LRRTM1: variants seen among roughly 807,000 people sequenced by gnomAD.
The protein encoded by LRRTM1 is leucine-rich repeat transmembrane neuronal protein 1.
A neutral mutation model predicts 37.3 loss-of-function variants in LRRTM1; 8 were observed. That is an observed-to-expected ratio of 0.21 (90% CI 0.13 to 0.39). The LOEUF is 0.39. Among genes scored for constraint, LRRTM1 ranks in the 10% least tolerant of loss-of-function variants. LRRTM1 has a pLI of 1.00. For missense variants in LRRTM1, 557 were observed against 691.0 expected (o/e 0.81, Z 2.17); for synonymous variants, 326 against 316.8 (o/e 1.03, Z -0.31).
At chr2:80,299,744 A>C (rs1676072805), downstream of LRRTM1, 1 of 152,174 alleles carries the variant, frequency 6.6e-6, no homozygotes, top group South Asian at 2.1e-4. Context: ...GAGATAAACT[A>C]CAGTTTCCAA....
chr2:80,301,661 TC>T (rs1676321252), downstream of LRRTM1, among the ~76,000 whole-genome samples: 1 of 152,196 alleles, frequency 6.6e-6, no homozygotes, highest in Non-Finnish European at 1.5e-5. Context: ...TTTTTCTTTT[TC>T]TAGTCCTTAC....
chr2:80,300,279 GGGGTGTGTGT>G (rs1379787809), downstream of LRRTM1, among the ~76,000 whole-genome samples: 2,711 of 128,060 alleles, frequency 0.021, 74 homozygotes, highest in Middle Eastern at 0.046. Context: ...CTGGGGTGTT[GGGGTGTGTGT>G]GTGTGTGTGT....
chr2:80,303,266 C>A lies in LRRTM1; in HGVS notation c.554G>T (p.Arg185Leu). 6.2e-7 allele frequency: 1 copy of A among 1,613,434 alleles called. No homozygotes were observed. ...FVPVRIFQDCRSLKFLDIGYN... is the reference protein window; with the variant it reads ...FVPVRIFQDCLSLKFLDIGYN... ...TCCGATGTCGAGAAACTTGAGGCTG[C>A]GGCAGTCCTGGAAGATGCGCACGGG... Residue 185 changes from arginine to leucine, a missense_variant, in exon 2 of 2, where the codon CGC (arginine) becomes CTC (leucine). Around this residue, in one of 5 missense-constraint regions of LRRTM1, gnomAD observed 200 missense variants for 249.9 expected, o/e 0.80. Transcript: ENST00000295057. The surrounding 1 kb of genome is among the most constrained non-coding windows in gnomAD (Gnocchi z 7.7).
chr2:80,290,471 T>C lies in LRRTM1; in HGVS notation c.*307-1276A>G, dbSNP rs1286393915. Among the ~76,000 whole-genome samples the C allele has an allele frequency of 2.6e-5, 4 of 152,142 alleles. No individual in the cohort carries two copies. In the East Asian group the frequency reaches 7.8e-4, roughly 30 times the overall value. Reference sequence around the variant, plus strand: ...TGAAACCTCACCATGGTGAGGTTGGTGAGGCTCCCGTGATGCTTTTACTTT... The same window carrying C: ...TGAAACCTCACCATGGTGAGGTTGGCGAGGCTCCCGTGATGCTTTTACTTT... On this transcript the variant is annotated intron_variant and NMD_transcript_variant, in intron 2 of 2. Coordinates refer to the LRRTM1 transcript ENST00000417012.
At chr2:80,296,479 C>A (rs1675753740) in intron 2 of LRRTM1, among the ~76,000 whole-genome samples, 2 of 152,026 alleles carry the variant, frequency 1.3e-5, no homozygotes, top group African/African-American at 4.8e-5. Flanking sequence ...GCCATATGTT[C>A]TTTGAGAAGC....
Position 80,303,087 on chromosome 2 carries a change from C to T in LRRTM1, c.733G>A (p.Val245Met). ...TCCAGCGAGCTGACCACAATGGCCA[C>T]CTTGTTCCTCCGCAGGCAGAGCGAG... ...LHSLCLRRNK[V>M]AIVVSSLDWV... Residue 245 changes from valine to methionine, a missense_variant, in exon 2 of 2, where the codon GTG (valine) becomes ATG (methionine). Transcript: ENST00000295057. The surrounding 1 kb of genome is among the most constrained non-coding windows in gnomAD (Gnocchi z 7.7). 1 of 1,614,024 alleles carries T rather than the reference C, an allele frequency of 6.2e-7. No individual in the cohort carries two copies. Among genetic ancestry groups the T allele is most frequent in the South Asian group, 1.1e-5 (1 of 91,072 alleles).
chr2:80,303,141 C>A lies in LRRTM1; in HGVS notation c.679G>T (p.Ala227Ser). ...EHNDLVKVNF[A>S]HFPRLISLHS... is the part of the protein sequence containing the mutation. ...AGGGAGATGAGGCGCGGGAAGTGGG[C>A]GAAGTTCACCTTGACCAAGTCGTTG... is the stretch of plus-strand genomic sequence containing the variant. The change falls in exon 2 of 2, where the codon GCC becomes TCC. Residue 227 changes from alanine to serine, a missense_variant. By Grantham distance (99) the Ala-to-Ser change is moderately conservative. Transcript: ENST00000295057. This position sits in a 1 kb window ranked among gnomAD's most constrained non-coding sequence, Gnocchi z 7.7. 1 of 1,614,042 alleles carries A rather than the reference C, an allele frequency of 6.2e-7. No individual in the cohort carries two copies. Among genetic ancestry groups the A allele is most frequent in the Non-Finnish European group, 8.5e-7 (1 of 1,180,026 alleles).
Position 80,302,387 on chromosome 2 carries a change from T to C in LRRTM1, c.1433A>G (p.His478Arg). The C allele has an allele frequency of 6.2e-7, 1 of 1,614,228 alleles. No individual in the cohort carries two copies. Among genetic ancestry groups the C allele is most frequent in the Non-Finnish European group, 8.5e-7 (1 of 1,180,036 alleles). Residue 478 changes from histidine to arginine, a missense_variant, in exon 2 of 2, where the codon CAT becomes CGT. Physicochemically the swap from His to Arg is conservative, Grantham distance 29. This residue lies in a region of LRRTM1 where 90 missense variants were observed against 149.4 expected (regional missense o/e 0.60). Transcript: ENST00000295057. The surrounding 1 kb of genome is among the most constrained non-coding windows in gnomAD (Gnocchi z 6.4). Reference protein sequence around the residue: ...RRKQKQKQTMHQMAAMSAQEY... With the variant: ...RRKQKQKQTMRQMAAMSAQEY... ...CTGGGCAGACATGGCAGCCATCTGA[T>C]GCATGGTCTGTTTCTGCTTTTGCTT...
At chr2:80,292,297 A>G (rs548583511) in intron 2 of LRRTM1, among the ~76,000 whole-genome samples, 42 of 152,258 alleles carry the variant, frequency 2.8e-4, no homozygotes, top group Non-Finnish European at 4.0e-4. Flanking sequence ...TTTATAGATG[A>G]AGGAACTGAG....
downstream of LRRTM1, among the ~76,000 whole-genome samples, chr2:80,297,568 C>T (rs1361470046): frequency 6.6e-6 from 1 of 152,098 alleles, no homozygotes; most frequent in Non-Finnish European, 1.5e-5. Context: ...AAATTGTGTC[C>T]AGTTGAGCAA....
downstream of LRRTM1, chr2:80,298,944 A>G (rs1675999457): frequency 6.6e-6 from 1 of 152,150 alleles, no homozygotes; most frequent in Admixed American, 6.5e-5. Context: ...CTCTGGTCCA[A>G]CCTAAAAAAC....
intron 2 of LRRTM1, among the ~76,000 whole-genome samples, chr2:80,292,786 TTTGA>T (rs1191062426): frequency 6.6e-6 from 1 of 152,240 alleles, no homozygotes; most frequent in Non-Finnish European, 1.5e-5. Flanking sequence ...GTTGTGCTAC[TTTGA>T]TTGAATGAGT....
exon 3 of LRRTM1, chr2:80,288,877 C>T (rs1277313512): frequency 6.6e-6 from 1 of 152,216 alleles, no homozygotes; most frequent in Non-Finnish European, 1.5e-5. Context: ...CAGCAGGCTG[C>T]TCGCTGCTGA....
rs760857550 is a variant in LRRTM1, at chr2:80,303,286, C to T, written c.534G>A (p.Val178=). 1 of 1,613,616 alleles carries T rather than the reference C, an allele frequency of 6.2e-7. No homozygotes were observed. Among genetic ancestry groups the T allele is most frequent in the Non-Finnish European group, 8.5e-7 (1 of 1,180,016 alleles). Reference sequence around the variant, plus strand: ...GGCTGCGGCAGTCCTGGAAGATGCGCACGGGCACAAACTGGATGGCGTTGG... The same window carrying T: ...GGCTGCGGCAGTCCTGGAAGATGCGTACGGGCACAAACTGGATGGCGTTGG... ...MRANAIQFVP[V]RIFQDCRSLK... is the part of the protein sequence containing the mutation. The change falls in exon 2 of 2, where the codon GTG becomes GTA. Residue 178 remains valine, a synonymous_variant. Transcript: ENST00000295057. This position sits in a 1 kb window ranked among gnomAD's most constrained non-coding sequence, Gnocchi z 7.7.
chr2:80,300,247 T>C (rs933444552), downstream of LRRTM1, among the ~76,000 whole-genome samples: 1 of 150,200 alleles, frequency 6.7e-6, no homozygotes, highest in African/African-American at 2.5e-5. Flanking sequence ...CAAGATGAAG[T>C]TTCCTGGCCA....
chr2:80,294,042 A>G (rs1437006064), intron 2 of LRRTM1, among the ~76,000 whole-genome samples: 1 of 152,140 alleles, frequency 6.6e-6, no homozygotes, highest in Non-Finnish European at 1.5e-5. Context: ...ATTGATTTGT[A>G]TATTTTGAGC....
downstream of LRRTM1, among the ~76,000 whole-genome samples, chr2:80,301,709 T>G (rs1341880897): frequency 6.6e-6 from 1 of 152,170 alleles, no homozygotes; most frequent in African/African-American, 2.4e-5. Flanking sequence ...ATTAATCTGA[T>G]AAGCTTTCTT....
At chr2:80,291,153 T>A (rs535220398) in intron 2 of LRRTM1, among the ~76,000 whole-genome samples, 9 of 152,374 alleles carry the variant, frequency 5.9e-5, no homozygotes, top group Admixed American at 2.6e-4. Flanking sequence ...AGATAGTTTT[T>A]CCTCGTGGGA....
chr2:80,301,184 A>G (rs1009663844), downstream of LRRTM1, among the ~76,000 whole-genome samples: 1 of 152,136 alleles, frequency 6.6e-6, no homozygotes, highest in Non-Finnish European at 1.5e-5. Flanking sequence ...TTTTCTCCTC[A>G]TTCCCCATAG....
Sources: allele counts gnomAD v4.1 joint callset (sites outside exome capture counted in the v4.1 genomes callset), GRCh38; gene constraint gnomAD v4.1.1; regional missense constraint gnomAD v4.1.1; non-coding constraint Gnocchi (gnomAD v3.1); transcripts MANE v1.5; gene names NCBI Gene and HGNC (gene_info 2026-07-23, HGNC 2026-07-21).